The following UBE2E2 variants were observed in gnomAD, a reference collection of about 807,000 sequenced individuals.
UBE2E2 encodes ubiquitin-conjugating enzyme E2 E2.
Under a neutral mutation model 24.7 loss-of-function variants are expected in UBE2E2, and 6 were observed. The ratio of observed to expected loss-of-function variants is 0.24; its 90% CI spans 0.13 to 0.48. The LOEUF (loss-of-function observed/expected upper bound fraction) is 0.48. UBE2E2 is among the 20% of genes least tolerant of loss of function. The pLI is 0.99. For missense variants in UBE2E2, 169 were observed against 245.0 expected (o/e 0.69, Z 2.07); for synonymous variants, 104 against 83.6 (o/e 1.24, Z -1.33).
chr3:23,560,607 G>T (rs924778025), intron 5 of UBE2E2, among the ~76,000 whole-genome samples: 1 of 151,916 alleles, frequency 6.6e-6, no homozygotes, highest in Non-Finnish European at 1.5e-5. Flanking sequence ...GGGTCAAATG[G>T]TATTTCTAGT....
Position 23,532,551 on chromosome 3 carries a change from T to C in UBE2E2, c.361-3T>C, listed in dbSNP as rs775687829. ...CAAAATATAACTTTACATTTTCTTG[T>C]AGGTTACCTTCCGAACAAGAATCTA... On this transcript the variant is annotated splice_polypyrimidine_tract_variant and splice_region_variant and intron_variant, in intron 4 of 5. Coordinates refer to ENST00000396703, the MANE Select transcript of UBE2E2 (RefSeq NM_152653.4). 5.3e-6 allele frequency: 8 copies of C among 1,510,380 alleles called. No homozygotes were observed. In the East Asian group the frequency reaches 1.6e-4, roughly 30 times the overall value. The allele number at this position is 1,510,380 out of a possible 1,614,324, so 93.6% of individuals were successfully genotyped here.
chr3:23,269,504 C>T (rs1698173767), intron 3 of UBE2E2, among the ~76,000 whole-genome samples: 1 of 152,172 alleles, frequency 6.6e-6, no homozygotes. Flanking sequence ...GGAAGGATCA[C>T]AGTCTGCCAG....
intron 5 of UBE2E2, among the ~76,000 whole-genome samples, chr3:23,543,039 T>G (rs534611206): frequency 6.6e-6 from 1 of 152,276 alleles, no homozygotes; most frequent in South Asian, 2.1e-4. Context: ...TGATCTTGGC[T>G]AGGTGGCTCA....
At chr3:23,389,031 G>GA (rs921913490) in intron 3 of UBE2E2, among the ~76,000 whole-genome samples, 3 of 149,002 alleles carry the variant, frequency 2.0e-5, no homozygotes, top group Non-Finnish European at 4.5e-5. Flanking sequence ...AAAAGAAAAA[G>GA]AAAAAAACAT....
At chr3:23,208,612 C>CT in intron 1 of UBE2E2, 80 bp from the exon 2 acceptor site, 3 of 1,134,106 alleles carry the variant, frequency 2.6e-6, no homozygotes, top group Non-Finnish European at 3.6e-6. Flanking sequence ...ACTTGTTTTA[C>CT]TTTGAGGCTC....
rs1257170568 is a variant in UBE2E2, at chr3:23,280,745, T to C, written c.227+63433T>C. 6.6e-6 allele frequency among the ~76,000 whole-genome samples: 1 copy of C among 152,248 alleles called. No individual in the cohort carries two copies. Among genetic ancestry groups the C allele is most frequent in the Non-Finnish European group, 1.5e-5 (1 of 68,048 alleles). ...GGAATGAGTACTGGAGACTAGCCTC[T>C]ATGTTTCTTACTCACTTCTGTTTTT... On this transcript the variant is annotated intron_variant, in intron 3 of 5. Coordinates refer to ENST00000396703, the MANE Select transcript of UBE2E2 (RefSeq NM_152653.4). The surrounding 1 kb of genome is among the most constrained non-coding windows in gnomAD (Gnocchi z 4.3).
chr3:23,512,196 T>C (rs1382843548), intron 4 of UBE2E2, among the ~76,000 whole-genome samples: 2 of 51,006 alleles, frequency 3.9e-5, no homozygotes, highest in Non-Finnish European at 8.0e-5. Flanking sequence ...CCTGCCTGCC[T>C]TTTTTTTTTT....
chr3:23,234,209 T>TC (rs1449120678), intron 3 of UBE2E2, among the ~76,000 whole-genome samples: 2 of 151,962 alleles, frequency 1.3e-5, no homozygotes, highest in African/African-American at 4.8e-5. Flanking sequence ...CCTTTTTTTT[T>TC]TTTCTTTCTT....
intron 3 of UBE2E2, among the ~76,000 whole-genome samples, chr3:23,441,496 G>T (rs150907305): frequency 7.1e-6 from 1 of 140,354 alleles, no homozygotes; most frequent in Non-Finnish European, 1.5e-5. Context: ...CCGAGATCGC[G>T]CCACTGCACT....
intron 3 of UBE2E2, among the ~76,000 whole-genome samples, chr3:23,466,485 C>T (rs975687192): frequency 6.6e-6 from 1 of 152,190 alleles, no homozygotes; most frequent in African/African-American, 2.4e-5. Context: ...TTGTCCCTTG[C>T]AGAATATTTT....
At chr3:23,300,708 C>A (rs1227590489) in intron 3 of UBE2E2, among the ~76,000 whole-genome samples, 1 of 152,090 alleles carries the variant, frequency 6.6e-6, no homozygotes, top group Non-Finnish European at 1.5e-5. Flanking sequence ...TCTCTGGCTG[C>A]CCTTAACATT....
At chr3:23,273,685 A>C (rs369461267) in intron 3 of UBE2E2, 1 of 152,272 alleles carries the variant, frequency 6.6e-6, no homozygotes, top group East Asian at 1.9e-4. Context: ...GTATACTTTT[A>C]AAGCATCATG....
At chr3:23,355,637 G>T (rs1321190267) in intron 3 of UBE2E2, among the ~76,000 whole-genome samples, 1 of 152,024 alleles carries the variant, frequency 6.6e-6, no homozygotes, top group Non-Finnish European at 1.5e-5. Flanking sequence ...TTTGTTTCAT[G>T]CCCTGGATTG....
chr3:23,402,144 G>A (rs562020332), intron 3 of UBE2E2, among the ~76,000 whole-genome samples: 43 of 152,112 alleles, frequency 2.8e-4, no homozygotes, highest in Admixed American at 1.6e-3. Context: ...GTGAGCCACC[G>A]CGCCCGACCC....
intron 5 of UBE2E2, among the ~76,000 whole-genome samples, chr3:23,564,084 A>C (rs112374474): frequency 0.04 from 6,102 of 152,184 alleles, 180 homozygotes; most frequent in South Asian, 0.14. Flanking sequence ...GTGTGTGAAG[A>C]ATGGTTATTT....
Position 23,338,823 on chromosome 3 carries a change from GC to G in UBE2E2, c.227+121513del, listed in dbSNP as rs559073073. Among the ~76,000 whole-genome samples, 14 of 152,234 alleles carry G rather than the reference GC, an allele frequency of 9.2e-5. No individual in the cohort carries two copies. The East Asian group carries it at 2.7e-3, about 29-fold the overall frequency. On this transcript the variant is annotated intron_variant, in intron 3 of 5. Coordinates refer to ENST00000396703, the MANE Select transcript of UBE2E2 (RefSeq NM_152653.4). Reference sequence around the variant, plus strand: ...ACGGGAGAAAGGAACACACTTTCTTGCCATGGAATTCCAATTAGTAAATGAA... The same window carrying G: ...ACGGGAGAAAGGAACACACTTTCTTGCATGGAATTCCAATTAGTAAATGAA...
chr3:23,502,188 C>G (rs1699737284), intron 4 of UBE2E2, among the ~76,000 whole-genome samples: 1 of 150,076 alleles, frequency 6.7e-6, no homozygotes, highest in Non-Finnish European at 1.5e-5. Context: ...TTCAAGTTGT[C>G]TTGGGTTTTT....
intron 3 of UBE2E2, among the ~76,000 whole-genome samples, chr3:23,431,070 G>A (rs755112267): frequency 6.6e-6 from 1 of 152,146 alleles, no homozygotes; most frequent in Non-Finnish European, 1.5e-5. Flanking sequence ...CAATGGAGTG[G>A]GATGGGACAA....
At chr3:23,355,343 T>G (rs2125325508) in intron 3 of UBE2E2, among the ~76,000 whole-genome samples, 1 of 152,130 alleles carries the variant, frequency 6.6e-6, no homozygotes, top group East Asian at 1.9e-4. Flanking sequence ...ACCTGTACAT[T>G]GTGCACATGT....
Sources: gnomAD v4.1 joint callset for allele counts (sites outside exome capture counted in the v4.1 genomes callset) on GRCh38, gnomAD v4.1.1 for gene constraint, Gnocchi (gnomAD v3.1) non-coding constraint, MANE v1.5 for transcripts, NCBI Gene and HGNC (gene_info 2026-07-23, HGNC 2026-07-21) for gene names.